KAZN: variants seen among roughly 807,000 people sequenced by gnomAD.
KAZN encodes the protein kazrin, periplakin interacting protein, also known as kazrin.
KAZN carries 40 observed loss-of-function variants against 87.4 expected under a neutral mutation model. The ratio of observed to expected loss-of-function variants is 0.46; its 90% CI spans 0.36 to 0.60. The LOEUF (loss-of-function observed/expected upper bound fraction) is 0.60. Among genes scored for constraint, KAZN ranks in the 20% least tolerant of loss-of-function variants. The probability of loss-of-function intolerance (pLI) is 0.00; values close to 1 mark genes in which losing one functional copy is unlikely to be tolerated. For missense variants in KAZN, 898 were observed against 1,073.9 expected, an observed-to-expected ratio of 0.84 and a Z score of 2.29; for synonymous variants, 466 against 458.3, an observed-to-expected ratio of 1.02 and a Z score of -0.22.
chr1:14,981,586 C>T (rs147840498), intron 2 of KAZN, among the ~76,000 whole-genome samples: 96 of 152,340 alleles, frequency 6.3e-4, no homozygotes, highest in African/African-American at 2.2e-3. Context: ...AGGTTTGCTG[C>T]GGAAGCAGAG....
At chr1:14,998,712 C>A (rs1451833541) in intron 2 of KAZN, among the ~76,000 whole-genome samples, 1 of 152,126 alleles carries the variant, frequency 6.6e-6, no homozygotes, top group African/African-American at 2.4e-5. Context: ...CCACACCAGG[C>A]TAATTTTTGT....
At chr1:14,554,255 G>T (rs72862096) in intron 2 of KAZN, among the ~76,000 whole-genome samples, 3 of 151,978 alleles carry the variant, frequency 2.0e-5, no homozygotes, top group Admixed American at 6.6e-5. Flanking sequence ...AGCTAGTACC[G>T]TCTCCACCTA....
intron 1 of KAZN, among the ~76,000 whole-genome samples, chr1:14,130,788 G>A (rs1030770176): frequency 6.6e-6 from 1 of 152,106 alleles, no homozygotes; most frequent in Non-Finnish European, 1.5e-5. Flanking sequence ...AGAGAATGTA[G>A]CATTTAGGCA....
intron 2 of KAZN, among the ~76,000 whole-genome samples, chr1:14,987,566 C>G (rs994932462): frequency 1.8e-4 from 28 of 152,242 alleles, no homozygotes; most frequent in Non-Finnish European, 4.1e-4. Flanking sequence ...GCCCCCGGAG[C>G]TCAGGGGAGG....
At chr1:14,190,731 G>A (rs937740787) in intron 2 of KAZN, among the ~76,000 whole-genome samples, 3 of 152,106 alleles carry the variant, frequency 2.0e-5, no homozygotes, top group African/African-American at 7.2e-5. Flanking sequence ...GAGCCCAGGT[G>A]AGTCATCCTG....
intron 2 of KAZN, among the ~76,000 whole-genome samples, chr1:14,239,062 C>G (rs1648683987): frequency 6.6e-6 from 1 of 152,188 alleles, no homozygotes; most frequent in African/African-American, 2.4e-5. Context: ...ATAGTTTCCT[C>G]TCTCTTTCTT....
At chr1:13,894,735 C>A (rs558497080) in intron 1 of KAZN, among the ~76,000 whole-genome samples, 5 of 152,184 alleles carry the variant, frequency 3.3e-5, no homozygotes, top group Admixed American at 3.3e-4. Context: ...CTGCACCCCC[C>A]TTCCTGGGGT....
At chr1:15,004,961 T>A (rs1192190989) in intron 2 of KAZN, among the ~76,000 whole-genome samples, 1 of 152,076 alleles carries the variant, frequency 6.6e-6, no homozygotes, top group Non-Finnish European at 1.5e-5. Flanking sequence ...ATGATTGCCA[T>A]TATTAAAGGT....
At chr1:14,846,786 G>A (rs572399910) in intron 1 of KAZN, among the ~76,000 whole-genome samples, 4 of 152,294 alleles carry the variant, frequency 2.6e-5, no homozygotes, top group East Asian at 1.9e-4. Context: ...CTGCCAGGCA[G>A]TAACTTAAGC....
intron 1 of KAZN, among the ~76,000 whole-genome samples, chr1:14,639,749 G>A (rs188672849): frequency 2.0e-5 from 3 of 152,160 alleles, no homozygotes; most frequent in African/African-American, 4.8e-5. Context: ...ATCAATCCTC[G>A]TGGCTACTGA....
Position 13,977,327 on chromosome 1 carries a change from A to T in KAZN, c.91+83571A>T, listed in dbSNP as rs1035469147. Among the ~76,000 whole-genome samples, 3 of 152,108 alleles carry T rather than the reference A, an allele frequency of 2.0e-5. No individual in the cohort carries two copies. The South Asian group carries it at 6.2e-4, about 32-fold the overall frequency. On this transcript the variant is annotated intron_variant, in intron 1 of 16. Transcript: ENST00000636203. Reference sequence around the variant, plus strand: ...TGTGACATAATTTAAATCCCCTATGACTCAGTTTCTCATATGTAAAATGAG... The same window carrying T: ...TGTGACATAATTTAAATCCCCTATGTCTCAGTTTCTCATATGTAAAATGAG...
chr1:14,165,349 C>T (rs1645803333), intron 1 of KAZN, among the ~76,000 whole-genome samples: 1 of 151,804 alleles, frequency 6.6e-6, no homozygotes, highest in Admixed American at 6.6e-5. Context: ...TGCCTTAGCC[C>T]CGTGTCTTCC....
intron 2 of KAZN, among the ~76,000 whole-genome samples, chr1:14,470,818 G>A (rs1265973372): frequency 1.3e-5 from 2 of 152,054 alleles, no homozygotes; most frequent in Admixed American, 6.5e-5. Flanking sequence ...CATGACTCTC[G>A]GCTTTGGGTA....
intron 2 of KAZN, among the ~76,000 whole-genome samples, chr1:14,301,187 CAGG>C (rs911328851): frequency 9.2e-5 from 14 of 152,160 alleles, no homozygotes; most frequent in African/African-American, 3.1e-4. Flanking sequence ...GCATTCTACC[CAGG>C]AGGTTGACAG....
At chr1:14,416,297 G>C (rs1411032442) in intron 2 of KAZN, among the ~76,000 whole-genome samples, 2 of 152,138 alleles carry the variant, frequency 1.3e-5, no homozygotes, top group Non-Finnish European at 2.9e-5. Flanking sequence ...AACAGGACTT[G>C]GCACTGATGG....
chr1:14,798,967 G>A lies in KAZN; in HGVS notation c.227-161717G>A, dbSNP rs115853459. Among the ~76,000 whole-genome samples the A allele has an allele frequency of 4.6e-3, 698 of 151,904 alleles. 5 individuals carry two copies. Among genetic ancestry groups the A allele is most frequent in the African/African-American group, 0.016 (661 of 41,454 alleles). ...GTTTGTTTGTTTTTTCATAGAAATGGGGTTTTGCCAGGTTGCCCAGGCTGG... is the reference window on the plus strand; with the variant it reads ...GTTTGTTTGTTTTTTCATAGAAATGAGGTTTTGCCAGGTTGCCCAGGCTGG... On this transcript the variant is annotated intron_variant, in intron 1 of 14. Transcript: ENST00000376030.
intron 1 of KAZN, among the ~76,000 whole-genome samples, chr1:13,946,292 A>G (rs962305232): frequency 3.3e-5 from 5 of 152,190 alleles, no homozygotes; most frequent in African/African-American, 1.2e-4. Flanking sequence ...TGTTTTCTCA[A>G]TCACAGAATG....
chr1:14,127,204 C>T (rs950172770), intron 1 of KAZN, among the ~76,000 whole-genome samples: 12 of 152,208 alleles, frequency 7.9e-5, no homozygotes, highest in Non-Finnish European at 1.5e-4. Flanking sequence ...TGTTTCTTGC[C>T]CTTTAGGCAA....
At chr1:14,585,840 G>A (rs945579357) in intron 2 of KAZN, among the ~76,000 whole-genome samples, 2 of 152,104 alleles carry the variant, frequency 1.3e-5, no homozygotes, top group African/African-American at 4.8e-5. Context: ...GTGTCACATC[G>A]CCCACATCCC....
Sources: allele counts gnomAD v4.1 joint callset (sites outside exome capture counted in the v4.1 genomes callset), GRCh38; gene constraint gnomAD v4.1.1; transcripts MANE v1.5; gene names NCBI Gene and HGNC (gene_info 2026-07-23, HGNC 2026-07-21).